Variants in NLGN1 observed in about 807,000 individuals in gnomAD.
NLGN1 encodes neuroligin-1.
In NLGN1, 12 loss-of-function variants were observed where a neutral mutation model predicts 65.5. The ratio of observed to expected loss-of-function variants is 0.18; its 90% CI spans 0.12 to 0.30. The LOEUF (loss-of-function observed/expected upper bound fraction) is 0.30, where lower values mean the gene tolerates loss of function less well. NLGN1 is among the 10% of genes least tolerant of loss of function. The pLI, the probability that NLGN1 is intolerant of heterozygous loss-of-function variation, is 1.00. For missense variants in NLGN1, 750 were observed against 1,007.1 expected (o/e 0.74, Z 3.46); for synonymous variants, 350 against 359.5 (o/e 0.97, Z 0.30).
At chr3:173,922,674 T>G (rs1016626084) in intron 4 of NLGN1, among the ~76,000 whole-genome samples, 1 of 152,086 alleles carries the variant, frequency 6.6e-6, no homozygotes, top group Admixed American at 6.6e-5. Flanking sequence ...TTGGTAAGGA[T>G]TATTGATAAA....
intron 4 of NLGN1, among the ~76,000 whole-genome samples, chr3:173,846,774 C>T (rs1169890818): frequency 6.6e-6 from 1 of 152,216 alleles, no homozygotes; most frequent in African/African-American, 2.4e-5. Context: ...ACAGTATTCA[C>T]TCCAGTGTGT....
chr3:173,772,111 GTAAAAAGATT>G (rs1779674800), intron 3 of NLGN1, among the ~76,000 whole-genome samples: 1 of 152,228 alleles, frequency 6.6e-6, no homozygotes, highest in Non-Finnish European at 1.5e-5. Flanking sequence ...AAAGAGGAAA[GTAAAAAGATT>G]TAAAAGATTA....
chr3:174,087,151 G>GA lies in NLGN1; in HGVS notation c.647-188158dup, dbSNP rs201015800. 7.6e-3 allele frequency among the ~76,000 whole-genome samples: 1,161 copies of GA among 152,102 alleles called. 19 individuals are homozygous for GA. Among genetic ancestry groups the GA allele is most frequent in the African/African-American group, 0.027 (1,116 of 41,500 alleles). On this transcript the variant is annotated intron_variant, in intron 4 of 6. Transcript: ENST00000457714. ...GGAGGTGGGAGGAGGGAGATAATCA[G>GA]AAAAAATAACGATTGGGTACTAGGC...
chr3:173,533,793 C>A (rs1737003681), intron 2 of NLGN1, among the ~76,000 whole-genome samples: 1 of 152,072 alleles, frequency 6.6e-6, no homozygotes, highest in Non-Finnish European at 1.5e-5. Context: ...ATCAGCCTGG[C>A]CAACATGGCA....
At chr3:173,452,649 C>T (rs1476432427) in intron 2 of NLGN1, among the ~76,000 whole-genome samples, 1 of 152,152 alleles carries the variant, frequency 6.6e-6, no homozygotes, top group African/African-American at 2.4e-5. Flanking sequence ...ATAGTAGAGA[C>T]AGAACATAAA....
At chr3:173,829,139 C>T (rs1381593772) in intron 4 of NLGN1, among the ~76,000 whole-genome samples, 1 of 151,914 alleles carries the variant, frequency 6.6e-6, no homozygotes, top group Non-Finnish European at 1.5e-5. Flanking sequence ...AGCGTGGAAG[C>T]AGTGAGAAGT....
intron 3 of NLGN1, among the ~76,000 whole-genome samples, chr3:173,730,523 AATTTCAGTGGTATTTTACACTC>A (rs1307610033): frequency 7.4e-4 from 112 of 152,088 alleles, no homozygotes; most frequent in Non-Finnish European, 4.1e-4. Flanking sequence ...TAAGCATTGA[AATTTCAGTGGTATTTTACACTC>A]ATTTCAGACT....
intron 3 of NLGN1, among the ~76,000 whole-genome samples, chr3:173,665,579 A>C (rs563688178): frequency 6.6e-5 from 10 of 152,166 alleles, no homozygotes; most frequent in Non-Finnish European, 1.5e-4. Flanking sequence ...CATAATTGAC[A>C]TTGAGGAATC....
intron 4 of NLGN1, among the ~76,000 whole-genome samples, chr3:173,878,471 TAA>T (rs994088016): frequency 1.5e-4 from 23 of 152,118 alleles, no homozygotes; most frequent in African/African-American, 5.6e-4. Flanking sequence ...CTTGAATATA[TAA>T]GACTTCGTAT....
intron 4 of NLGN1, among the ~76,000 whole-genome samples, chr3:174,267,533 C>T (rs9879117): frequency 0.16 from 23,800 of 152,074 alleles, 2,178 homozygotes; most frequent in East Asian, 0.49. Context: ...AGGACCTTGG[C>T]CTGTATTCTA....
chr3:173,482,457 T>C (rs527960590), intron 2 of NLGN1, among the ~76,000 whole-genome samples: 11 of 151,920 alleles, frequency 7.2e-5, no homozygotes, highest in Non-Finnish European at 1.3e-4. Context: ...ATCTCCACAC[T>C]TTCAATACAC....
At chr3:174,007,922 T>C (rs1012946669) in intron 4 of NLGN1, among the ~76,000 whole-genome samples, 18 of 150,146 alleles carry the variant, frequency 1.2e-4, no homozygotes, top group African/African-American at 4.4e-4. Context: ...AGTGAGTACA[T>C]TGGTTTTGCT....
chr3:174,102,597 T>C (rs116823062), intron 4 of NLGN1, among the ~76,000 whole-genome samples: 1 of 152,100 alleles, frequency 6.6e-6, no homozygotes, highest in Admixed American at 6.6e-5. Context: ...TAAAAACTCT[T>C]CTGGTTAAAA....
intron 4 of NLGN1, among the ~76,000 whole-genome samples, chr3:173,960,129 A>G (rs1713179508): frequency 6.6e-6 from 1 of 152,040 alleles, no homozygotes; most frequent in African/African-American, 2.4e-5. Flanking sequence ...ATAAGACAGA[A>G]GTTTATCTAT....
chr3:173,806,362 T>A (rs566896355), intron 3 of NLGN1, among the ~76,000 whole-genome samples: 1 of 152,152 alleles, frequency 6.6e-6, no homozygotes, highest in Non-Finnish European at 1.5e-5. Context: ...AATAAATTTG[T>A]ATTCTGTTAG....
In NLGN1 at chr3:173,957,840, C is replaced by G. The variant is rs568684684; in HGVS notation, c.646+150008C>G. Among the ~76,000 whole-genome samples, 42 of 152,324 alleles carry G rather than the reference C, an allele frequency of 2.8e-4. 1 individual carries two copies. Among genetic ancestry groups the G allele is most frequent in the Middle Eastern group, 3.4e-3 (1 of 292 alleles). The stretch of plus-strand genomic sequence containing the variant: ...TTGGGCCTGCTGGGCTCCTTCTGCC[C>G]ACTCAGCCTGGCAGGCTGTGCTCAG... On this transcript the variant is annotated intron_variant, in intron 4 of 6. Transcript: ENST00000457714.
At chr3:173,712,869 G>A (rs1002848552) in intron 3 of NLGN1, among the ~76,000 whole-genome samples, 33 of 152,038 alleles carry the variant, frequency 2.2e-4, no homozygotes, top group African/African-American at 7.5e-4. Context: ...TTCAGAACAG[G>A]TTGGTTGGGG....
chr3:173,961,606 T>C (rs976058985), intron 4 of NLGN1, among the ~76,000 whole-genome samples: 1 of 152,036 alleles, frequency 6.6e-6, no homozygotes, highest in African/African-American at 2.4e-5. Flanking sequence ...GTGTTAAGTA[T>C]AAAGTGGGTA....
intron 1 of NLGN1, among the ~76,000 whole-genome samples, chr3:173,415,801 A>G (rs1713578744): frequency 6.6e-6 from 1 of 151,938 alleles, no homozygotes; most frequent in Non-Finnish European, 1.5e-5. Context: ...AGCCTCTGCC[A>G]TTAAGTTATT....
Sources: allele counts gnomAD v4.1 joint callset (sites outside exome capture counted in the v4.1 genomes callset), GRCh38; gene constraint gnomAD v4.1.1; transcripts MANE v1.5; gene names NCBI Gene and HGNC (gene_info 2026-07-23, HGNC 2026-07-21).